PARP3: variants seen among roughly 807,000 people sequenced by gnomAD.
PARP3 encodes the protein poly(ADP-ribose) polymerase family member 3, also known as protein mono-ADP-ribosyltransferase PARP3.
Under a neutral mutation model 58.2 loss-of-function variants are expected in PARP3, and 46 were observed. That is an observed-to-expected ratio of 0.79 (90% CI 0.62 to 1.01). PARP3 has a LOEUF of 1.01. Ranked by LOEUF, PARP3 falls within the 50% of genes least tolerant of loss-of-function variation. The pLI, the probability that PARP3 is intolerant of heterozygous loss-of-function variation, is 0.00. For synonymous variants in PARP3, 252 were observed against 266.4 expected (o/e 0.95, Z 0.53); for missense variants, 663 against 683.9 (o/e 0.97, Z 0.34).
rs765533970 is a variant in PARP3, at chr3:51,945,898, C to T, written c.1057C>T (p.Pro353Ser). Residue 353 changes from proline to serine, a missense_variant, in exon 8 of 11, where the codon CCT (proline) becomes TCT (serine). Transcript: ENST00000398755. ...ACAGACTGGCAGCAACCACAGGTGC[C>T]CTACACTTCAACACATCTGGAAAGT... is the stretch of plus-strand genomic sequence containing the variant. ...LEQTGSNHRC[P>S]TLQHIWKVNQ... 5 of 1,613,932 alleles carry T rather than the reference C, an allele frequency of 3.1e-6. No individual in the cohort carries two copies. In the African/African-American group the frequency reaches 4.0e-5, roughly 13 times the overall value.
At chr3:51,947,411 C>T (rs954294307) in intron 9 of PARP3, among the ~76,000 whole-genome samples, 3 of 152,104 alleles carry the variant, frequency 2.0e-5, no homozygotes, top group South Asian at 2.1e-4. Context: ...AGAGCCAGCG[C>T]GAGGAAGTCC....
At chr3:51,945,754 T>C in intron 7 of PARP3, 99 bp from the exon 8 acceptor site, 1 of 1,524,000 alleles carries the variant, frequency 6.6e-7, no homozygotes, top group East Asian at 2.3e-5. Flanking sequence ...TCTTCCTGTG[T>C]CTCCAGGGCC....
chr3:51,948,184 G>A, intron 10 of PARP3, 127 bp from the exon 11 acceptor site: 1 of 1,000,004 alleles, frequency 1.0e-6, no homozygotes, highest in Non-Finnish European at 1.5e-6. Flanking sequence ...GTGGTTTGGA[G>A]GTGGGCAAGG....
At position 51,946,348 on chromosome 3, in the gene PARP3, G is replaced by A; in HGVS notation, c.1276+5G>A. 1 of 1,597,954 alleles carries A rather than the reference G, an allele frequency of 6.3e-7. No individual in the cohort carries two copies. The highest frequency in any genetic ancestry group is 1.1e-5 in the South Asian group (1 of 87,978). On this transcript the variant is annotated splice_donor_5th_base_variant and intron_variant, in intron 9 of 10. Coordinates refer to ENST00000398755, the MANE Select transcript of PARP3 (RefSeq NM_001003931.4). The surrounding 1 kb of genome is among the most constrained non-coding windows in gnomAD (Gnocchi z 4.6). ...ACAGCAAGTCAGCTGGATATGGTGA[G>A]GTGCCCCTCTGGGCCAAGCCCTGGG...
intron 6 of PARP3, 110 bp from the exon 7 acceptor site, chr3:51,945,385 G>A: frequency 7.1e-7 from 1 of 1,399,720 alleles, no homozygotes; most frequent in Admixed American, 2.1e-5. Flanking sequence ...GGGTGGGGAG[G>A]GACAGGTGGG....
At position 51,945,161 on chromosome 3, in the gene PARP3, C is replaced by T. The variant is rs1297083245; in HGVS notation, c.798C>T (p.Gly266=). ...HFYTVIPHNF[G]HSQPPPINSP... is the part of the protein sequence containing the mutation. The stretch of plus-strand genomic sequence containing the variant: ...ACACCGTCATCCCGCACAACTTCGG[C>T]CACAGCCAGCCCCCGCCCATCAATT... Residue 266 remains glycine, a synonymous_variant, in exon 6 of 11, where the codon GGC becomes GGT. Coordinates refer to ENST00000398755, the MANE Select transcript of PARP3 (RefSeq NM_001003931.4). 1.2e-6 allele frequency: 2 copies of T among 1,614,060 alleles called. No individual in the cohort carries two copies. Among genetic ancestry groups the T allele is most frequent in the Non-Finnish European group, 8.5e-7 (1 of 1,180,048 alleles).
In PARP3 at chr3:51,948,793, G is replaced by T; in HGVS notation, c.*313G>T. Reference sequence around the variant, plus strand: ...TGCAGTGTTTGTCTTTCTGTGCCTGGCTTATTTCACTCAGCATAATGTGCA... The same window carrying T: ...TGCAGTGTTTGTCTTTCTGTGCCTGTCTTATTTCACTCAGCATAATGTGCA... On this transcript the variant is annotated 3_prime_UTR_variant, in exon 11 of 11. Coordinates refer to ENST00000398755, the MANE Select transcript of PARP3 (RefSeq NM_001003931.4). 3.0e-6 allele frequency: 1 copy of T among 333,008 alleles called. No homozygotes were observed. The highest frequency in any genetic ancestry group is 5.5e-6 in the Non-Finnish European group (1 of 182,084). The allele number at this position is 333,008 out of a possible 1,614,324, so 20.6% of individuals were successfully genotyped here.
chr3:51,945,140 C>T lies in PARP3; in HGVS notation c.777C>T (p.Thr259=), dbSNP rs375042601. Residue 259 remains threonine (T), a synonymous_variant, in exon 6 of 11, where the codon ACC becomes ACT. Transcript: ENST00000398755. ...AGGAGCTGTCCTCACACTTTTACAC[C>T]GTCATCCCGCACAACTTCGGCCACA... is the stretch of plus-strand genomic sequence containing the variant. ...SLEELSSHFY[T]VIPHNFGHSQ... is the part of the protein sequence containing the mutation. 13 of 1,613,978 alleles carry T rather than the reference C, an allele frequency of 8.1e-6. No homozygotes were observed. The highest frequency in any genetic ancestry group is 4.4e-5 in the South Asian group (4 of 91,094).
intron 1 of PARP3, 28 bp from the exon 2 acceptor site, chr3:51,943,326 C>A: frequency 1.3e-6 from 2 of 1,540,270 alleles, no homozygotes; most frequent in Non-Finnish European, 1.8e-6. Flanking sequence ...CCATGGAGGC[C>A]TAAGGGCCTC....
At position 51,944,060 on chromosome 3, in the gene PARP3, G is replaced by A; in HGVS notation, c.184-29G>A. The stretch of plus-strand genomic sequence containing the variant: ...CAGGCACCCCATCTGACCCCAGCCA[G>A]CCTGCCCCCCACCTCCCCTCTGGCC... On this transcript the variant is annotated intron_variant, in intron 2 of 10. Transcript: ENST00000398755. The surrounding 1 kb of genome is among the most constrained non-coding windows in gnomAD (Gnocchi z 4.2). 1.2e-6 allele frequency: 2 copies of A among 1,607,788 alleles called. No individual in the cohort carries two copies. Among genetic ancestry groups the A allele is most frequent in the Non-Finnish European group, 8.5e-7 (1 of 1,177,158 alleles).
Sources: gnomAD v4.1 joint callset for allele counts (sites outside exome capture counted in the v4.1 genomes callset) on GRCh38, gnomAD v4.1.1 for gene constraint, Gnocchi (gnomAD v3.1) non-coding constraint, MANE v1.5 for transcripts, NCBI Gene and HGNC (gene_info 2026-07-23, HGNC 2026-07-21) for gene names.